DLG2: variants seen among roughly 807,000 people sequenced by gnomAD.
DLG2 encodes the protein discs large MAGUK scaffold protein 2, also known as disks large homolog 2.
In DLG2, 45 loss-of-function variants were observed where a neutral mutation model predicts 132.5. The ratio of observed to expected loss-of-function variants is 0.34; its 90% CI spans 0.27 to 0.44. The LOEUF (loss-of-function observed/expected upper bound fraction) is 0.44. Among genes scored for constraint, DLG2 ranks in the 20% least tolerant of loss-of-function variants. DLG2 has a pLI of 1.00. For synonymous variants in DLG2, 424 were observed against 419.6 expected (o/e 1.01, Z -0.13); for missense variants, 1,045 against 1,196.9 (o/e 0.87, Z 1.87).
chr11:85,603,527 C>T (rs551176268), intron 2 of DLG2, among the ~76,000 whole-genome samples: 1 of 151,720 alleles, frequency 6.6e-6, no homozygotes, highest in African/African-American at 2.4e-5. Flanking sequence ...TCTTTTCTCT[C>T]TCTTTTTTTT....
chr11:85,487,042 TA>T (rs1225708413), intron 3 of DLG2, among the ~76,000 whole-genome samples: 97 of 132,574 alleles, frequency 7.3e-4, no homozygotes, highest in East Asian at 2.1e-3. Context: ...GTGTGCTGAT[TA>T]AAAAAAAAAA....
intron 7 of DLG2, among the ~76,000 whole-genome samples, chr11:84,525,944 A>G (rs970257273): frequency 1.3e-5 from 2 of 152,206 alleles, no homozygotes; most frequent in African/African-American, 4.8e-5. Flanking sequence ...TCCTTCAAGT[A>G]AAAAATGATC....
intron 8 of DLG2, among the ~76,000 whole-genome samples, chr11:84,201,586 T>A (rs979349676): frequency 2.0e-5 from 3 of 151,522 alleles, no homozygotes; most frequent in African/African-American, 7.3e-5. Flanking sequence ...TGGGCTTTTT[T>A]TTTTTTTTTA....
At chr11:83,550,711 G>A (rs1433940197) in intron 19 of DLG2, among the ~76,000 whole-genome samples, 1 of 152,160 alleles carries the variant, frequency 6.6e-6, no homozygotes, top group African/African-American at 2.4e-5. Flanking sequence ...AGACTGCTTG[G>A]ATGAACAGCC....
intron 16 of DLG2, among the ~76,000 whole-genome samples, chr11:83,845,024 T>C (rs7951794): frequency 0.22 from 33,246 of 151,856 alleles, 3,736 homozygotes; most frequent in African/African-American, 0.23. Context: ...TATTACAGCA[T>C]ATAAGCTTGA....
chr11:85,368,344 C>T (rs773418781), intron 3 of DLG2, among the ~76,000 whole-genome samples: 2 of 152,236 alleles, frequency 1.3e-5, no homozygotes, highest in Non-Finnish European at 2.9e-5. Context: ...CTAGCCATCA[C>T]TTCTCAATAA....
intron 3 of DLG2, among the ~76,000 whole-genome samples, chr11:85,375,532 C>A (rs1313930679): frequency 6.6e-6 from 1 of 152,080 alleles, no homozygotes; most frequent in Non-Finnish European, 1.5e-5. Flanking sequence ...AAACCAAAAA[C>A]AACAACAAAA....
chr11:84,307,224 A>G (rs1262216137), intron 7 of DLG2, among the ~76,000 whole-genome samples: 1 of 152,226 alleles, frequency 6.6e-6, no homozygotes, highest in East Asian at 1.9e-4. Context: ...GGAGGTCATT[A>G]TCCTAAGCAA....
chr11:83,532,272 T>C (rs2095770615), intron 21 of DLG2, among the ~76,000 whole-genome samples: 1 of 152,128 alleles, frequency 6.6e-6, no homozygotes, highest in Admixed American at 6.5e-5. Context: ...CAACAATCCG[T>C]GTATTCATTA....
At chr11:85,216,975 T>C (rs921790934) in intron 4 of DLG2, among the ~76,000 whole-genome samples, 40 of 152,116 alleles carry the variant, frequency 2.6e-4, no homozygotes, top group Admixed American at 1.9e-3. Flanking sequence ...ATTACAGGTG[T>C]GAGCCGCCGC....
intron 14 of DLG2, among the ~76,000 whole-genome samples, chr11:83,932,689 T>C (rs140031564): frequency 7.3e-6 from 1 of 137,100 alleles, no homozygotes; most frequent in Non-Finnish European, 1.6e-5. Context: ...TGGTAAATGT[T>C]TGAATGAATA....
chr11:84,975,827 G>T (rs1430951795), intron 6 of DLG2, among the ~76,000 whole-genome samples: 1 of 152,124 alleles, frequency 6.6e-6, no homozygotes. Flanking sequence ...TGGTTGATCT[G>T]CACCTCACTC....
At chr11:83,732,018 T>A (rs2091104385) in intron 18 of DLG2, among the ~76,000 whole-genome samples, 1 of 152,228 alleles carries the variant, frequency 6.6e-6, no homozygotes, top group African/African-American at 2.4e-5. Flanking sequence ...CTATTTGGTA[T>A]TATTCATAAT....
At chr11:84,780,278 C>T (rs1244523607) in intron 6 of DLG2, among the ~76,000 whole-genome samples, 1 of 151,662 alleles carries the variant, frequency 6.6e-6, no homozygotes, top group South Asian at 2.1e-4. Context: ...AAGACAAAAA[C>T]GATATGATCA....
At chr11:84,161,164 C>T (rs1365591154) in intron 9 of DLG2, among the ~76,000 whole-genome samples, 1 of 151,898 alleles carries the variant, frequency 6.6e-6, no homozygotes, top group African/African-American at 2.4e-5. Flanking sequence ...CCAGCGTAAG[C>T]TAACTTGGAC....
intron 16 of DLG2, among the ~76,000 whole-genome samples, chr11:83,837,523 G>A (rs554133975): frequency 1.3e-5 from 2 of 152,156 alleles, no homozygotes; most frequent in Admixed American, 6.5e-5. Context: ...GACACTGCAG[G>A]GTTGAGGGGA....
At chr11:84,561,131 T>C (rs1003677388) in intron 6 of DLG2, among the ~76,000 whole-genome samples, 6 of 152,128 alleles carry the variant, frequency 3.9e-5, no homozygotes, top group Admixed American at 3.3e-4. Context: ...GTAGGACATA[T>C]AGTTCAATAG....
intron 17 of DLG2, among the ~76,000 whole-genome samples, chr11:83,808,863 TCCCC>T (rs2046577451): frequency 6.6e-6 from 1 of 152,074 alleles, no homozygotes; most frequent in African/African-American, 2.4e-5. Context: ...CCTCCCATTC[TCCCC>T]TGCAGGGTCT....
chr11:84,360,496 C>T (rs954605258), intron 7 of DLG2, among the ~76,000 whole-genome samples: 1 of 151,834 alleles, frequency 6.6e-6, no homozygotes, highest in African/African-American at 2.4e-5. Flanking sequence ...ATTTGATGTC[C>T]CTATCATCCA....
Sources: gnomAD v4.1 joint callset for allele counts (sites outside exome capture counted in the v4.1 genomes callset) on GRCh38, gnomAD v4.1.1 for gene constraint, MANE v1.5 for transcripts, NCBI Gene and HGNC (gene_info 2026-07-23, HGNC 2026-07-21) for gene names.